ENTREP2: variants seen among roughly 807,000 people sequenced by gnomAD.
ENTREP2 encodes the protein protein ENTREP2.
At chr15:29,294,316 G>A in the ENTREP2 span, among the ~76,000 whole-genome samples, 4 of 152,208 alleles carry the variant, frequency 2.6e-5, no homozygotes, top group Non-Finnish European at 5.9e-5. Context: ...AGCCCAGAAG[G>A]AACCAACTTT....
chr15:29,394,885 T>C, the ENTREP2 span, among the ~76,000 whole-genome samples: 1,340 of 78,060 alleles, frequency 0.017, 8 homozygotes, highest in Admixed American at 0.023. Flanking sequence ...AGAATCTCTT[T>C]TTTTTTTTTT....
chr15:29,215,556 A>G, the ENTREP2 span, among the ~76,000 whole-genome samples: 2 of 144,362 alleles, frequency 1.4e-5, no homozygotes, highest in Admixed American at 1.5e-4. Context: ...ATGTGAATTA[A>G]TAATAAACTC....
chr15:29,649,843 G>T, the ENTREP2 span, among the ~76,000 whole-genome samples: 23 of 150,132 alleles, frequency 1.5e-4, no homozygotes, highest in African/African-American at 4.8e-4. Flanking sequence ...AGCAAGGATG[G>T]CCTCTTGCTT....
the ENTREP2 span, among the ~76,000 whole-genome samples, chr15:29,156,224 G>A: frequency 0.041 from 6,244 of 151,970 alleles, 377 homozygotes; most frequent in African/African-American, 0.14. Flanking sequence ...TCTTGCTCCA[G>A]TCCATGCTGG....
the ENTREP2 span, among the ~76,000 whole-genome samples, chr15:29,437,993 A>C: frequency 6.6e-6 from 1 of 152,252 alleles, no homozygotes; most frequent in African/African-American, 2.4e-5. Context: ...CCAATGTATC[A>C]GCTACTCAGT....
the ENTREP2 span, among the ~76,000 whole-genome samples, chr15:29,551,970 C>T: frequency 6.6e-6 from 1 of 152,142 alleles, no homozygotes; most frequent in Non-Finnish European, 1.5e-5. Flanking sequence ...GGAAAAAATG[C>T]TGTGACTCCC....
chr15:29,327,196 G>C, the ENTREP2 span, among the ~76,000 whole-genome samples: 3 of 152,132 alleles, frequency 2.0e-5, no homozygotes, highest in African/African-American at 7.2e-5. Flanking sequence ...GTCACAGACT[G>C]AAAGAAAATA....
At chr15:29,426,796 G>A in the ENTREP2 span, among the ~76,000 whole-genome samples, 1 of 152,172 alleles carries the variant, frequency 6.6e-6, no homozygotes, top group Non-Finnish European at 1.5e-5. Context: ...ATTGGCTTTT[G>A]GAGTTGGTAT....
At chr15:29,387,002 C>A in the ENTREP2 span, among the ~76,000 whole-genome samples, 4 of 152,168 alleles carry the variant, frequency 2.6e-5, no homozygotes, top group East Asian at 7.7e-4. Context: ...CTTTCTCCTG[C>A]CTGACTGCCC....
chr15:29,395,153 G>A, the ENTREP2 span, among the ~76,000 whole-genome samples: 1 of 151,546 alleles, frequency 6.6e-6, no homozygotes, highest in Non-Finnish European at 1.5e-5. Flanking sequence ...CTCCCAAAGT[G>A]CTGGGATTAC....
At chr15:29,626,233 T>C in the ENTREP2 span, among the ~76,000 whole-genome samples, 2 of 152,212 alleles carry the variant, frequency 1.3e-5, no homozygotes, top group African/African-American at 2.4e-5. Flanking sequence ...AGATTTCTGA[T>C]AGGGTTTGGC....
At chr15:29,507,636 C>T in the ENTREP2 span, among the ~76,000 whole-genome samples, 1 of 152,148 alleles carries the variant, frequency 6.6e-6, no homozygotes, top group South Asian at 2.1e-4. Context: ...AACTGAACAA[C>T]CTGCTACTGA....
At chr15:29,286,254 T>C in the ENTREP2 span, among the ~76,000 whole-genome samples, 2 of 152,236 alleles carry the variant, frequency 1.3e-5, no homozygotes, top group East Asian at 3.8e-4. Flanking sequence ...TTTCAAATGA[T>C]GTGATTCTAC....
chr15:29,459,267 A>T, the ENTREP2 span, among the ~76,000 whole-genome samples: 5 of 152,306 alleles, frequency 3.3e-5, 1 homozygote, highest in African/African-American at 1.2e-4. Flanking sequence ...AGACCTTCAA[A>T]GATGGGGTGC....
the ENTREP2 span, among the ~76,000 whole-genome samples, chr15:29,529,783 C>A: frequency 6.6e-6 from 1 of 152,090 alleles, no homozygotes; most frequent in African/African-American, 2.4e-5. Flanking sequence ...AAAATTTCTA[C>A]CTTAGGGTTT....
chr15:29,385,980 G>C, the ENTREP2 span, among the ~76,000 whole-genome samples: 3 of 151,760 alleles, frequency 2.0e-5, no homozygotes, highest in Admixed American at 1.3e-4. Flanking sequence ...GAATTTGGTC[G>C]AGGGCAGTCG....
At chr15:29,196,346 G>A in the ENTREP2 span, 1 of 1,461,992 alleles carries the variant, frequency 6.8e-7, no homozygotes, top group South Asian at 1.3e-5. Context: ...GAGCTGAAAG[G>A]AATCTATATG....
chr15:29,600,469 T>A, the ENTREP2 span, among the ~76,000 whole-genome samples: 1 of 151,374 alleles, frequency 6.6e-6, no homozygotes, highest in African/African-American at 2.4e-5. Flanking sequence ...ATCATCATCA[T>A]CAATCATCAT....
chr15:29,136,438 G>A, the ENTREP2 span: 8 of 1,547,224 alleles, frequency 5.2e-6, no homozygotes, highest in South Asian at 7.2e-5. Flanking sequence ...GCAGGCCGGG[G>A]CTATTGATGG....
Sources: gnomAD v4.1 joint callset for allele counts (sites outside exome capture counted in the v4.1 genomes callset) on GRCh38, gnomAD v4.1.1 for gene constraint, MANE v1.5 for transcripts, NCBI Gene and HGNC (gene_info 2026-07-23, HGNC 2026-07-21) for gene names.